Variants in SMYD3 observed in about 807,000 individuals in gnomAD.
SMYD3 encodes SET and MYND domain containing 3.
A neutral mutation model predicts 57.7 loss-of-function variants in SMYD3; 36 were observed. The observed-to-expected ratio is 0.62, with a 90% CI of 0.48 to 0.82. SMYD3 has a LOEUF of 0.82. Ranked by LOEUF, SMYD3 falls within the 40% of genes least tolerant of loss-of-function variation. The pLI, the probability that SMYD3 is intolerant of heterozygous loss-of-function variation, is 0.00. For synonymous variants in SMYD3, 211 were observed against 195.0 expected (o/e 1.08, Z -0.68); for missense variants, 515 against 538.8 (o/e 0.96, Z 0.44).
At chr1:246,004,085 G>T (rs1290349292) in intron 5 of SMYD3, among the ~76,000 whole-genome samples, 3 of 144,608 alleles carry the variant, frequency 2.1e-5, no homozygotes, top group Admixed American at 7.1e-5. Context: ...TCTGTAAAAT[G>T]GGAATGAGCC....
chr1:246,351,961 C>G (rs1379991478), intron 2 of SMYD3, among the ~76,000 whole-genome samples: 1 of 151,780 alleles, frequency 6.6e-6, no homozygotes, highest in South Asian at 2.1e-4. Flanking sequence ...CATGATGAAA[C>G]CCCACCTCTA....
At chr1:246,345,029 T>C (rs962790680) in intron 2 of SMYD3, among the ~76,000 whole-genome samples, 4 of 152,118 alleles carry the variant, frequency 2.6e-5, no homozygotes, top group Admixed American at 2.6e-4. Flanking sequence ...TCAAATATTT[T>C]CTCCATGTCT....
intron 5 of SMYD3, among the ~76,000 whole-genome samples, chr1:246,009,841 G>C (rs1249510619): frequency 8.9e-6 from 1 of 111,882 alleles, no homozygotes; most frequent in Non-Finnish European, 1.7e-5. Context: ...ATGGAGTCTT[G>C]CTCTGTTGCC....
intron 1 of SMYD3, among the ~76,000 whole-genome samples, chr1:246,497,889 G>A (rs1302529064): frequency 6.6e-6 from 1 of 150,614 alleles, no homozygotes. Flanking sequence ...AAAAAGAAAA[G>A]GAAAAAACAA....
intron 5 of SMYD3, among the ~76,000 whole-genome samples, chr1:246,273,680 G>C (rs1393688499): frequency 2.1e-5 from 3 of 145,792 alleles, no homozygotes; most frequent in Non-Finnish European, 4.5e-5. Flanking sequence ...TGCCTCCCAG[G>C]TTCAAGCGAT....
intron 10 of SMYD3, among the ~76,000 whole-genome samples, chr1:245,833,073 A>AAAACAAAAAAAAAAAAAAACACAAC: frequency 7.8e-6 from 1 of 128,652 alleles, no homozygotes; most frequent in Non-Finnish European, 1.6e-5. Flanking sequence ...AAAAAAAAAA[A>AAAACAAAAAAAAAAAAAAACACAAC]AACCTGCTTT....
chr1:246,247,471 A>C (rs570148783), intron 5 of SMYD3, among the ~76,000 whole-genome samples: 4,849 of 131,346 alleles, frequency 0.037, 128 homozygotes, highest in Middle Eastern at 0.069. Flanking sequence ...CTCTCTATAT[A>C]TATATATATA....
At chr1:245,964,475 C>A (rs2153028) in intron 5 of SMYD3, among the ~76,000 whole-genome samples, 19,457 of 152,122 alleles carry the variant, frequency 0.13, 1,281 homozygotes, top group South Asian at 0.22. Flanking sequence ...GCAAAAAACA[C>A]AGTGTGAAAA....
At chr1:246,051,616 A>C (rs2060068407) in intron 5 of SMYD3, among the ~76,000 whole-genome samples, 1 of 151,804 alleles carries the variant, frequency 6.6e-6, no homozygotes, top group South Asian at 2.1e-4. Context: ...AATAGCAATT[A>C]AACTGTAGGC....
chr1:245,798,450 ATATG>A (rs1221845667), intron 10 of SMYD3, among the ~76,000 whole-genome samples: 4 of 76,162 alleles, frequency 5.3e-5, no homozygotes, highest in African/African-American at 2.9e-4. Context: ...ACACATAAAA[ATATG>A]CACACACATA....
intron 8 of SMYD3, among the ~76,000 whole-genome samples, chr1:245,869,944 C>G (rs1233205905): frequency 1.3e-5 from 2 of 152,200 alleles, no homozygotes; most frequent in Non-Finnish European, 2.9e-5. Context: ...GCCTGGCCCT[C>G]CAGGCCCCTC....
intron 5 of SMYD3, among the ~76,000 whole-genome samples, chr1:245,998,384 G>A (rs2058972602): frequency 3.9e-5 from 6 of 152,196 alleles, no homozygotes; most frequent in Admixed American, 3.9e-4. Context: ...GACCTGACTA[G>A]GGACTCATGT....
chr1:246,035,491 C>G (rs1041619141), intron 5 of SMYD3: 1 of 152,216 alleles, frequency 6.6e-6, no homozygotes, highest in East Asian at 1.9e-4. Flanking sequence ...AGCAGCAGGA[C>G]GGGACTGTCG....
At chr1:246,327,015 A>C (rs2065364146) in intron 5 of SMYD3, 186 bp downstream of exon 5, 1 of 646,808 alleles carries the variant, frequency 1.5e-6, no homozygotes, top group Non-Finnish European at 2.6e-6. Flanking sequence ...AAACAGAAAA[A>C]TTCATACCCT....
At chr1:246,444,635 T>C (rs530607493) in intron 1 of SMYD3, among the ~76,000 whole-genome samples, 28 of 152,332 alleles carry the variant, frequency 1.8e-4, no homozygotes, top group African/African-American at 5.5e-4. Context: ...TTAGAAATTA[T>C]CAAATGCAGA....
intron 5 of SMYD3, among the ~76,000 whole-genome samples, chr1:246,093,218 A>G (rs2060851870): frequency 6.6e-6 from 1 of 152,200 alleles, no homozygotes; most frequent in African/African-American, 2.4e-5. Flanking sequence ...ATGTTCAGTG[A>G]AAAACTAAAA....
intron 5 of SMYD3, among the ~76,000 whole-genome samples, chr1:246,302,162 T>G (rs556186555): frequency 6.6e-6 from 1 of 152,294 alleles, no homozygotes; most frequent in African/African-American, 2.4e-5. Flanking sequence ...AATAAGTTAC[T>G]TTTCCTGTTG....
chr1:246,143,126 TACACACACACAC>T (rs370332515), intron 5 of SMYD3, among the ~76,000 whole-genome samples: 91 of 146,110 alleles, frequency 6.2e-4, no homozygotes, highest in African/African-American at 1.2e-3. Context: ...GTATATTTAA[TACACACACACAC>T]ACACACACAC....
At chr1:246,419,071 ATGTAATATCCTT>A (rs968340114) in intron 1 of SMYD3, among the ~76,000 whole-genome samples, 10 of 152,032 alleles carry the variant, frequency 6.6e-5, no homozygotes, top group African/African-American at 2.4e-4. Flanking sequence ...GCCCTTGAGA[ATGTAATATCCTT>A]TGTAATATCC....
Sources: allele counts gnomAD v4.1 joint callset (sites outside exome capture counted in the v4.1 genomes callset), GRCh38; gene constraint gnomAD v4.1.1; transcripts MANE v1.5; gene names NCBI Gene and HGNC (gene_info 2026-07-23, HGNC 2026-07-21).